CLVS1: variants seen among roughly 807,000 people sequenced by gnomAD.
CLVS1 encodes the protein clavesin-1.
CLVS1 carries 10 observed loss-of-function variants against 33.1 expected under a neutral mutation model. The observed-to-expected ratio is 0.30, with a 90% CI of 0.19 to 0.51. The LOEUF is 0.51. CLVS1 is among the 20% of genes least tolerant of loss of function. CLVS1 has a pLI of 0.97. For synonymous variants in CLVS1, 163 were observed against 166.1 expected, an observed-to-expected ratio of 0.98 and a Z score of 0.14; for missense variants, 343 against 433.4, an observed-to-expected ratio of 0.79 and a Z score of 1.85.
intron 5 of CLVS1, among the ~76,000 whole-genome samples, chr8:61,464,387 C>T (rs1817474617): frequency 6.6e-6 from 1 of 152,188 alleles, no homozygotes; most frequent in Admixed American, 6.5e-5. Context: ...AGTTGGCTTT[C>T]AGATAGAAAG....
At chr8:61,195,265 G>A (rs1807579291) in intron 2 of CLVS1, among the ~76,000 whole-genome samples, 1 of 151,826 alleles carries the variant, frequency 6.6e-6, no homozygotes, top group Non-Finnish European at 1.5e-5. Context: ...CAAACCTCTG[G>A]TGAAATCAGG....
At chr8:61,146,939 C>T (rs1173721185) in intron 2 of CLVS1, among the ~76,000 whole-genome samples, 2 of 152,232 alleles carry the variant, frequency 1.3e-5, no homozygotes, top group African/African-American at 4.8e-5. Flanking sequence ...TAGTTAAAGA[C>T]ACCCTTTAGG....
the CLVS1 span, among the ~76,000 whole-genome samples, chr8:61,044,147 C>T: frequency 6.6e-6 from 1 of 152,144 alleles, no homozygotes; most frequent in Non-Finnish European, 1.5e-5. Context: ...TATGATCCAG[C>T]AGATGCCATG....
intron 1 of CLVS1, among the ~76,000 whole-genome samples, chr8:61,125,054 T>C (rs1004368940): frequency 1.3e-5 from 2 of 152,134 alleles, no homozygotes; most frequent in Non-Finnish European, 2.9e-5. Context: ...TTTCATCCTG[T>C]CTCTCTAGTT....
chr8:61,008,772 A>G, the CLVS1 span, among the ~76,000 whole-genome samples: 123 of 152,220 alleles, frequency 8.1e-4, no homozygotes, highest in African/African-American at 2.8e-3. Flanking sequence ...ATTTACTCCT[A>G]TGAAGTTTGT....
the CLVS1 span, among the ~76,000 whole-genome samples, chr8:61,024,868 T>C: frequency 9.3e-4 from 142 of 152,040 alleles, no homozygotes; most frequent in African/African-American, 3.3e-3. Context: ...TTTTTTTTTT[T>C]AGACAGAGTC....
At chr8:61,443,156 G>A (rs914088798) in intron 3 of CLVS1, among the ~76,000 whole-genome samples, 2 of 152,042 alleles carry the variant, frequency 1.3e-5, no homozygotes, top group Admixed American at 6.6e-5. Context: ...AATGTAATTT[G>A]CAAATACGTT....
the CLVS1 span, among the ~76,000 whole-genome samples, chr8:60,971,204 G>A: frequency 6.6e-6 from 1 of 151,248 alleles, no homozygotes; most frequent in Non-Finnish European, 1.5e-5. Flanking sequence ...AGCCTTGCGA[G>A]TAGCTGGGAC....
At position 61,177,793 on chromosome 8, in the gene CLVS1, C is replaced by A. The variant is rs531753563; in HGVS notation, c.-152+45933C>A. On this transcript the variant is annotated intron_variant, in intron 2 of 2. Coordinates refer to the CLVS1 transcript ENST00000522621. Reference sequence around the variant, plus strand: ...AAACAAACACAACGGAAAGAAACAACAACAGCATCAAAAAAAAAAAAAAGT... The same window carrying A: ...AAACAAACACAACGGAAAGAAACAAAAACAGCATCAAAAAAAAAAAAAAGT... Among the ~76,000 whole-genome samples, 97 of 137,278 alleles carry A rather than the reference C, an allele frequency of 7.1e-4. 1 individual carries two copies. The highest frequency in any genetic ancestry group is 2.8e-3 in the African/African-American group (94 of 33,668). The allele number at this position is 137,278 out of a possible 152,430, so 90.1% of individuals were successfully genotyped here. A position where few individuals can be genotyped will look rare whatever the true frequency, so the allele number is the denominator to read the frequency against.
the CLVS1 span, among the ~76,000 whole-genome samples, chr8:60,977,671 G>A: frequency 1.3e-5 from 2 of 152,302 alleles, no homozygotes; most frequent in South Asian, 2.1e-4. Flanking sequence ...AACTGAGTAT[G>A]AGTGATGTGT....
At chr8:61,383,191 C>T (rs578179508) in intron 3 of CLVS1, among the ~76,000 whole-genome samples, 10 of 152,264 alleles carry the variant, frequency 6.6e-5, no homozygotes, top group Non-Finnish European at 1.0e-4. Context: ...TGACTTAGGG[C>T]GAGATTGGTG....
At position 61,300,097 on chromosome 8, in the gene CLVS1, C is replaced by A. The variant is rs745848473; in HGVS notation, c.270C>A (p.Ala90=). Residue 90 remains alanine, a synonymous_variant, in exon 2 of 6, where the codon GCC becomes GCA. Coordinates refer to ENST00000325897, the MANE Select transcript of CLVS1 (RefSeq NM_173519.3). ...LRARKFHQAD[A]FRLLAQYFQY... is the part of the protein sequence containing the mutation. ...CCAGGAAGTTTCACCAAGCGGATGC[C>A]TTTAGACTCCTGGCTCAGTATTTCC... The A allele has an allele frequency of 1.2e-6, 2 of 1,614,032 alleles. No homozygotes were observed. Among genetic ancestry groups the A allele is most frequent in the South Asian group, 2.2e-5 (2 of 91,082 alleles).
chr8:61,048,504 T>C, the CLVS1 span, among the ~76,000 whole-genome samples: 1 of 152,206 alleles, frequency 6.6e-6, no homozygotes, highest in Non-Finnish European at 1.5e-5. Flanking sequence ...CCCCAGATGC[T>C]GTGTGTGCCA....
chr8:61,474,764 G>A (rs957607068), intron 5 of CLVS1, among the ~76,000 whole-genome samples: 1 of 152,044 alleles, frequency 6.6e-6, no homozygotes, highest in Non-Finnish European at 1.5e-5. Context: ...AAGTTCCCGA[G>A]GACTCTATTT....
At chr8:61,005,381 T>C in the CLVS1 span, among the ~76,000 whole-genome samples, 1 of 151,300 alleles carries the variant, frequency 6.6e-6, no homozygotes, top group Non-Finnish European at 1.5e-5. Context: ...GGTGGCTTTT[T>C]TTTTTTAGCA....
intron 2 of CLVS1, among the ~76,000 whole-genome samples, chr8:61,339,181 C>T (rs1811921302): frequency 6.6e-6 from 1 of 151,992 alleles, no homozygotes; most frequent in Admixed American, 6.6e-5. Flanking sequence ...GGTCCTCTGC[C>T]CTTCCCTCAT....
At chr8:61,283,940 A>C (rs1218053509), upstream of CLVS1, among the ~76,000 whole-genome samples, 1 of 152,180 alleles carries the variant, frequency 6.6e-6, no homozygotes, top group Non-Finnish European at 1.5e-5. Flanking sequence ...AATAACTTAG[A>C]AGTAAGTTAT....
At chr8:61,248,507 C>A (rs1277858320) in intron 2 of CLVS1, among the ~76,000 whole-genome samples, 1 of 151,970 alleles carries the variant, frequency 6.6e-6, no homozygotes, top group East Asian at 1.9e-4. Context: ...CTTTCACTTC[C>A]CTTGTTAGCT....
intron 2 of CLVS1, among the ~76,000 whole-genome samples, chr8:61,240,324 C>A (rs1808671427): frequency 6.6e-6 from 1 of 152,194 alleles, no homozygotes; most frequent in Non-Finnish European, 1.5e-5. Flanking sequence ...GTTTCTTCAA[C>A]AGGCGGAGTT....
Sources: gnomAD v4.1 joint callset for allele counts (sites outside exome capture counted in the v4.1 genomes callset) on GRCh38, gnomAD v4.1.1 for gene constraint, MANE v1.5 for transcripts, NCBI Gene and HGNC (gene_info 2026-07-23, HGNC 2026-07-21) for gene names.